The following MAP3K20 variants were observed in gnomAD, a reference collection of about 807,000 sequenced individuals.
MAP3K20 encodes mitogen-activated protein kinase kinase kinase 20, also known as HCCS-4.
A neutral mutation model predicts 85.7 loss-of-function variants in MAP3K20; 40 were observed. The ratio of observed to expected loss-of-function variants is 0.47; its 90% CI spans 0.36 to 0.61. MAP3K20 has a LOEUF of 0.61. MAP3K20 is among the 20% of genes least tolerant of loss of function. The probability of loss-of-function intolerance (pLI) is 0.00; values close to 1 mark genes in which losing one functional copy is unlikely to be tolerated. For synonymous variants in MAP3K20, 325 were observed against 327.7 expected, an observed-to-expected ratio of 0.99 and a Z score of 0.09; for missense variants, 817 against 961.7, an observed-to-expected ratio of 0.85 and a Z score of 1.99.
intron 1 of MAP3K20, among the ~76,000 whole-genome samples, chr2:173,081,879 C>T (rs916194192): frequency 3.3e-5 from 5 of 152,150 alleles, no homozygotes; most frequent in African/African-American, 1.2e-4. Context: ...AAAGTGGTTT[C>T]ATTCTGCCCT....
At position 173,263,703 on chromosome 2, in the gene MAP3K20, A is replaced by G. The variant is rs183175574; in HGVS notation, c.1552-42A>G. ...TGTGTCTATTTGGTCATATGTTTCT[A>G]TTTGTCTTTTTTTTGTCTTTTTCGT... On this transcript the variant is annotated intron_variant, in intron 18 of 19. Coordinates refer to ENST00000375213, the MANE Select transcript of MAP3K20 (RefSeq NM_016653.3). 9.2e-5 allele frequency: 146 copies of G among 1,579,156 alleles called. No individual in the cohort carries two copies. In the African/African-American group the frequency reaches 1.6e-3, roughly 17 times the overall value.
chr2:173,251,607 T>C (rs950882974), intron 16 of MAP3K20, among the ~76,000 whole-genome samples: 1 of 152,202 alleles, frequency 6.6e-6, no homozygotes, highest in Admixed American at 6.5e-5. Flanking sequence ...ATTTCATCTA[T>C]GGTGATAGAA....
In MAP3K20 at chr2:173,187,474, G is replaced by T. The variant is rs1465099907; in HGVS notation, c.350-84G>T. 9.5e-6 allele frequency: 11 copies of T among 1,159,862 alleles called. No individual in the cohort carries two copies. In the African/African-American group the frequency reaches 1.6e-4, roughly 17 times the overall value. 71.8% of individuals were successfully genotyped at this position (1,159,862 alleles called of 1,614,324 possible). On this transcript the variant is annotated intron_variant, in intron 4 of 19. Coordinates refer to ENST00000375213, the MANE Select transcript of MAP3K20 (RefSeq NM_016653.3). Reference sequence around the variant, plus strand: ...GACATGTGAATTAGTTTCTGCTCTTGAGTTCTTTGAAAAACTATGAAAGGT... The same window carrying T: ...GACATGTGAATTAGTTTCTGCTCTTTAGTTCTTTGAAAAACTATGAAAGGT...
chr2:173,166,919 T>TTTC (rs1041405553), intron 2 of MAP3K20: 1 of 148,174 alleles, frequency 6.7e-6, no homozygotes, highest in African/African-American at 2.5e-5. Flanking sequence ...TGTTTTTTTT[T>TTTC]TTTTTTTTTT....
rs763079386 is a variant in MAP3K20, at chr2:173,169,890, C to T, written c.245C>T (p.Thr82Ile). Residue 82 changes from threonine to isoleucine, a missense_variant and splice_region_variant, in exon 3 of 20, where the codon ACA becomes ATA. Transcript: ENST00000375213. ...GAACCTCCCAACTATGGCATTGTCA[C>T]AGGTAAGAATTCAGTGTTTGACTTC... ...ILEPPNYGIV[T>I]EYASLGSLYD... The T allele has an allele frequency of 1.2e-6, 2 of 1,613,218 alleles. No homozygotes were observed. The highest frequency in any genetic ancestry group is 1.7e-6 in the Non-Finnish European group (2 of 1,179,520).
chr2:173,170,687 T>G (rs183123806), intron 3 of MAP3K20, among the ~76,000 whole-genome samples: 4 of 152,254 alleles, frequency 2.6e-5, no homozygotes, highest in African/African-American at 9.6e-5. Context: ...CAAAACACCC[T>G]CAATAAAAAG....
intron 11 of MAP3K20, chr2:173,223,104 C>A (rs948366624): frequency 3.0e-6 from 3 of 985,252 alleles, no homozygotes; most frequent in Admixed American, 6.2e-5. Flanking sequence ...GTTTCTAATG[C>A]CCCTTGAGAG....
chr2:173,199,262 T>A (rs1445415303), intron 8 of MAP3K20, among the ~76,000 whole-genome samples: 2 of 152,200 alleles, frequency 1.3e-5, no homozygotes, highest in African/African-American at 4.8e-5. Context: ...AGAGTTACCA[T>A]ATAATTTTTC....
At chr2:173,145,636 A>C (rs986279231) in intron 2 of MAP3K20, among the ~76,000 whole-genome samples, 1 of 152,186 alleles carries the variant, frequency 6.6e-6, no homozygotes, top group African/African-American at 2.4e-5. Context: ...TGAGAATGTG[A>C]GTCAGCACAT....
chr2:173,127,387 C>T (rs1254542966), intron 2 of MAP3K20, among the ~76,000 whole-genome samples: 1 of 152,128 alleles, frequency 6.6e-6, no homozygotes, highest in Non-Finnish European at 1.5e-5. Flanking sequence ...ATAATTTATT[C>T]AGAAACAGAA....
intron 11 of MAP3K20, chr2:173,224,445 GC>G (rs1684332331): frequency 2.0e-6 from 2 of 985,056 alleles, no homozygotes; most frequent in Non-Finnish European, 2.4e-6. Context: ...GCCAAATAGG[GC>G]CAAAGAGAAA....
rs1156274256 is a variant in MAP3K20, at chr2:173,209,643, TTA to T, written c.745-85_745-84del. 4.0e-5 allele frequency: 44 copies of T among 1,095,348 alleles called. No individual in the cohort carries two copies. The African/African-American group carries it at 6.8e-4, about 17-fold the overall frequency. 67.9% of individuals were successfully genotyped at this position (1,095,348 alleles called of 1,614,324 possible). On this transcript the variant is annotated intron_variant, in intron 9 of 19. Transcript: ENST00000375213. ...ATTTTGTTATGGTGGGTTGAGTTTA[TTA>T]CTATGCTTGTAGTATCTACGTTTTC...
At position 173,237,263 on chromosome 2, in the gene MAP3K20, A is replaced by G. The variant is rs1202168718; in HGVS notation, c.1204-1110A>G. Among the ~76,000 whole-genome samples the G allele has an allele frequency of 4.6e-5, 7 of 151,918 alleles. No individual in the cohort carries two copies. The South Asian group carries it at 1.0e-3, about 23-fold the overall frequency. ...AGGCTGGTCTCGAACTTCTGACCTC[A>G]TGATCCGCCCACCTCAGCATCCCAA... On this transcript the variant is annotated intron_variant, in intron 14 of 19. Coordinates refer to ENST00000375213, the MANE Select transcript of MAP3K20 (RefSeq NM_016653.3).
chr2:173,221,735 G>A lies in MAP3K20; in HGVS notation c.987+4485G>A, dbSNP rs1684257416. ...ACGGGGGGAGAATTAAGCCAAAGAA[G>A]TATATTTATGAATCAGCAAATGTGG... On this transcript the variant is annotated intron_variant, in intron 11 of 19. Coordinates refer to ENST00000375213, the MANE Select transcript of MAP3K20 (RefSeq NM_016653.3). 8.6e-6 allele frequency: 11 copies of A among 1,273,164 alleles called. No individual in the cohort carries two copies. The South Asian group carries it at 2.6e-4, about 30-fold the overall frequency. 78.9% of individuals were successfully genotyped at this position (1,273,164 alleles called of 1,614,324 possible). A position where few individuals can be genotyped will look rare whatever the true frequency, so the allele number is the denominator to read the frequency against.
intron 17 of MAP3K20, among the ~76,000 whole-genome samples, 176 bp downstream of exon 17, chr2:173,258,991 T>C (rs991636305): frequency 9.9e-5 from 15 of 152,250 alleles, no homozygotes; most frequent in African/African-American, 3.6e-4. Flanking sequence ...TAGGTTTTTG[T>C]TAAAATTCTA....
At chr2:173,124,820 A>C (rs1688396087) in intron 2 of MAP3K20, among the ~76,000 whole-genome samples, 1 of 152,144 alleles carries the variant, frequency 6.6e-6, no homozygotes, top group Admixed American at 6.5e-5. Flanking sequence ...TCTATTAAGA[A>C]AGCTTAAAGT....
intron 16 of MAP3K20, among the ~76,000 whole-genome samples, chr2:173,253,425 C>T (rs1685086765): frequency 6.6e-6 from 1 of 152,126 alleles, no homozygotes; most frequent in African/African-American, 2.4e-5. Flanking sequence ...GGAAAAGGGA[C>T]AAAACTGGAA....
In MAP3K20 at chr2:173,239,396, T is replaced by C. The variant is rs754025128; in HGVS notation, c.1267-8T>C. The C allele has an allele frequency of 3.4e-5, 54 of 1,600,998 alleles. No homozygotes were observed. The Admixed American group carries it at 9.2e-4, about 27-fold the overall frequency. On this transcript the variant is annotated splice_region_variant and splice_polypyrimidine_tract_variant and intron_variant, in intron 15 of 19. Transcript: ENST00000375213. ...CTAGAATAATTGGTGCTTGGTTTCC[T>C]GTTTTAGGACTCAGGAGGTGAACCT...
chr2:173,099,492 T>G (rs1364505881), intron 2 of MAP3K20, among the ~76,000 whole-genome samples: 1 of 152,006 alleles, frequency 6.6e-6, no homozygotes, highest in African/African-American at 2.4e-5. Context: ...AGCTGTTTTA[T>G]TTTGTCTTTT....
Sources: allele counts gnomAD v4.1 joint callset (sites outside exome capture counted in the v4.1 genomes callset), GRCh38; gene constraint gnomAD v4.1.1; transcripts MANE v1.5; gene names NCBI Gene and HGNC (gene_info 2026-07-23, HGNC 2026-07-21).